Variants in PTPRM observed in about 807,000 individuals in gnomAD.
The protein encoded by PTPRM is protein tyrosine phosphatase receptor type M.
A neutral mutation model predicts 186.7 loss-of-function variants in PTPRM; 47 were observed. The ratio of observed to expected loss-of-function variants is 0.25; its 90% CI spans 0.20 to 0.32. The LOEUF (loss-of-function observed/expected upper bound fraction) is 0.32, where lower values mean the gene tolerates loss of function less well. Ranked by LOEUF, PTPRM falls within the 10% of genes least tolerant of loss-of-function variation. The pLI is 1.00. For synonymous variants in PTPRM, 668 were observed against 674.9 expected, an observed-to-expected ratio of 0.99 and a Z score of 0.16; for missense variants, 1,494 against 1,865.0, an observed-to-expected ratio of 0.80 and a Z score of 3.66.
chr18:8,003,564 G>A (rs1006299502), intron 7 of PTPRM, among the ~76,000 whole-genome samples: 7 of 152,346 alleles, frequency 4.6e-5, no homozygotes, highest in East Asian at 1.9e-4. Flanking sequence ...TCTGAGCACC[G>A]TATCACATCT....
intron 2 of PTPRM, among the ~76,000 whole-genome samples, chr18:7,782,639 T>G (rs1197754273): frequency 6.6e-6 from 1 of 152,188 alleles, no homozygotes; most frequent in African/African-American, 2.4e-5. Context: ...ACTTTCTGTC[T>G]CTATGAATTT....
In PTPRM at chr18:8,394,695, G is replaced by A. The variant is rs1408287925; in HGVS notation, c.4344+84G>A. On this transcript the variant is annotated intron_variant, in intron 32 of 32. Coordinates refer to ENST00000580170, the MANE Select transcript of PTPRM (RefSeq NM_001105244.2). ...CAGCTCCCAGATTTGCAGGGAAACT[G>A]ATGCGTAGAGGAAGAGACTCATTTT... 3 of 1,378,444 alleles carry A rather than the reference G, an allele frequency of 2.2e-6. No homozygotes were observed. In the African/African-American group the frequency reaches 4.4e-5, roughly 20 times the overall value. 85.4% of individuals were successfully genotyped at this position (1,378,444 alleles called of 1,614,324 possible). A position where few individuals can be genotyped will look rare whatever the true frequency, so the allele number is the denominator to read the frequency against.
chr18:7,634,795 T>G (rs2038274856), intron 1 of PTPRM, among the ~76,000 whole-genome samples: 1 of 152,212 alleles, frequency 6.6e-6, no homozygotes, highest in South Asian at 2.1e-4. Context: ...GAAACAGCCT[T>G]AAGTTCATAT....
chr18:7,763,565 C>A (rs2041880545), intron 1 of PTPRM, among the ~76,000 whole-genome samples: 1 of 152,170 alleles, frequency 6.6e-6, no homozygotes, highest in African/African-American at 2.4e-5. Flanking sequence ...ATACACTCAT[C>A]TGTACGAGTT....
intron 7 of PTPRM, among the ~76,000 whole-genome samples, chr18:7,992,149 T>G (rs1185696227): frequency 1.3e-5 from 2 of 152,148 alleles, no homozygotes; most frequent in African/African-American, 4.8e-5. Context: ...TATAACCTCA[T>G]TCCTGCTTCC....
At chr18:8,137,532 G>T (rs533102739) in intron 13 of PTPRM, among the ~76,000 whole-genome samples, 1 of 152,294 alleles carries the variant, frequency 6.6e-6, no homozygotes, top group Non-Finnish European at 1.5e-5. Flanking sequence ...CCCTTCTTCA[G>T]TGAGCCTGCG....
chr18:7,906,005 C>G (rs1208298355), intron 3 of PTPRM, among the ~76,000 whole-genome samples: 1 of 152,158 alleles, frequency 6.6e-6, no homozygotes, highest in Non-Finnish European at 1.5e-5. Flanking sequence ...CCTTAAAAGT[C>G]TTCTTTAGAC....
At chr18:7,577,048 A>G (rs896787643) in intron 1 of PTPRM, among the ~76,000 whole-genome samples, 1 of 152,212 alleles carries the variant, frequency 6.6e-6, no homozygotes, top group Non-Finnish European at 1.5e-5. Flanking sequence ...TCCCTTGGAG[A>G]AGAAAAAAAT....
At chr18:7,923,417 A>C (rs946846542) in intron 4 of PTPRM, among the ~76,000 whole-genome samples, 1 of 152,182 alleles carries the variant, frequency 6.6e-6, no homozygotes, top group Non-Finnish European at 1.5e-5. Flanking sequence ...ATGAGGCTTC[A>C]AGGCATTGTC....
intron 14 of PTPRM, among the ~76,000 whole-genome samples, chr18:8,196,023 C>G (rs1407788913): frequency 6.6e-6 from 1 of 152,192 alleles, no homozygotes; most frequent in East Asian, 1.9e-4. Context: ...CACTCAAGCA[C>G]TCTGACCAGC....
At chr18:7,755,538 CA>C (rs1363408087) in intron 1 of PTPRM, among the ~76,000 whole-genome samples, 1 of 151,964 alleles carries the variant, frequency 6.6e-6, no homozygotes, top group African/African-American at 2.4e-5. Flanking sequence ...GGGTCCGAAG[CA>C]AAAATAGGAT....
At chr18:8,351,094 C>T (rs905122557) in intron 23 of PTPRM, among the ~76,000 whole-genome samples, 5 of 152,198 alleles carry the variant, frequency 3.3e-5, no homozygotes, top group African/African-American at 1.2e-4. Context: ...GACAGCACCT[C>T]CTTGCCTTCC....
chr18:8,228,834 A>G (rs1425407751), intron 14 of PTPRM, among the ~76,000 whole-genome samples: 1 of 152,166 alleles, frequency 6.6e-6, no homozygotes, highest in African/African-American at 2.4e-5. Flanking sequence ...GCCTGGCGAC[A>G]CAGCAAGACT....
At chr18:8,254,432 T>C (rs1453461715) in intron 19 of PTPRM, among the ~76,000 whole-genome samples, 1 of 152,180 alleles carries the variant, frequency 6.6e-6, no homozygotes, top group Non-Finnish European at 1.5e-5. Context: ...GGATTGCTTT[T>C]TTATGTTATT....
At chr18:7,756,493 A>C (rs2041497568) in intron 1 of PTPRM, among the ~76,000 whole-genome samples, 1 of 152,250 alleles carries the variant, frequency 6.6e-6, no homozygotes, top group Non-Finnish European at 1.5e-5. Flanking sequence ...GTTACCATCA[A>C]ATCTTTACTT....
chr18:7,679,320 T>C (rs913979611), intron 1 of PTPRM, among the ~76,000 whole-genome samples: 2 of 152,140 alleles, frequency 1.3e-5, no homozygotes, highest in Non-Finnish European at 2.9e-5. Flanking sequence ...TGTTTCCAGG[T>C]TTGGTTCCTA....
chr18:7,578,552 G>C (rs895083197), intron 1 of PTPRM, among the ~76,000 whole-genome samples: 1 of 151,848 alleles, frequency 6.6e-6, no homozygotes, highest in South Asian at 2.1e-4. Flanking sequence ...AGCCAGGATG[G>C]TCTCGATCTC....
chr18:7,571,608 C>T (rs2036568121), intron 1 of PTPRM, among the ~76,000 whole-genome samples: 1 of 152,176 alleles, frequency 6.6e-6, no homozygotes, highest in African/African-American at 2.4e-5. Flanking sequence ...GTTTCAGCTA[C>T]AGTGGTATTT....
At chr18:8,065,298 A>G (rs562758130) in intron 7 of PTPRM, among the ~76,000 whole-genome samples, 3 of 152,316 alleles carry the variant, frequency 2.0e-5, no homozygotes, top group South Asian at 2.1e-4. Flanking sequence ...AGCCAGGATC[A>G]CTGATTAAAT....
Sources: allele counts gnomAD v4.1 joint callset (sites outside exome capture counted in the v4.1 genomes callset), GRCh38; gene constraint gnomAD v4.1.1; transcripts MANE v1.5; gene names NCBI Gene and HGNC (gene_info 2026-07-23, HGNC 2026-07-21).